Variants in NPFFR2 observed in about 807,000 individuals in gnomAD.
The protein encoded by NPFFR2 is G-protein coupled receptor 74.
A neutral mutation model predicts 13.1 loss-of-function variants in NPFFR2; 15 were observed. The ratio of observed to expected loss-of-function variants is 1.15; its 90% CI spans 0.77 to 1.76. The LOEUF is 1.76. Ranked by LOEUF, NPFFR2 falls within the 40% of genes most tolerant of loss-of-function variation. The pLI is 0.00. For missense variants in NPFFR2, 572 were observed against 503.5 expected (o/e 1.14, Z -1.30); for synonymous variants, 190 against 175.7 (o/e 1.08, Z -0.65).
chr4:72,128,596 A>G lies in NPFFR2; in HGVS notation c.5A>G (p.Asn2Ser). M[N>S]EKWDTNSSEN... is the part of the protein sequence containing the mutation. ...TCTTCTTTATTAAGGTTCATCATGA[A>G]TGAGAAATGGGACACAAACTCTTCA... The change falls in exon 2 of 4, where the codon AAT becomes AGT. Residue 2 changes from asparagine (N) to serine (S), a missense_variant. By Grantham distance (46) the Asn-to-Ser change is conservative. Transcript: ENST00000308744. The G allele has an allele frequency of 6.3e-7, 1 of 1,596,418 alleles. No homozygotes were observed. Among genetic ancestry groups the G allele is most frequent in the African/African-American group, 1.3e-5 (1 of 74,350 alleles).
intron 1 of NPFFR2, among the ~76,000 whole-genome samples, chr4:72,094,398 G>A (rs1720998443): frequency 1.3e-5 from 2 of 152,186 alleles, no homozygotes; most frequent in African/African-American, 4.8e-5. Flanking sequence ...CAGGCGGTGT[G>A]TGGGGCCATG....
intron 1 of NPFFR2, among the ~76,000 whole-genome samples, chr4:72,067,770 A>G (rs1578433622): frequency 6.6e-6 from 1 of 152,176 alleles, no homozygotes; most frequent in South Asian, 2.1e-4. Flanking sequence ...TAGGACATAG[A>G]CACTGTTCAG....
intron 1 of NPFFR2, among the ~76,000 whole-genome samples, chr4:72,084,049 C>T (rs951358630): frequency 1.3e-5 from 2 of 152,180 alleles, no homozygotes; most frequent in Non-Finnish European, 2.9e-5. Flanking sequence ...TAACCTAAGA[C>T]AGCAACATCT....
intron 1 of NPFFR2, among the ~76,000 whole-genome samples, chr4:72,088,199 T>A (rs568703865): frequency 6.6e-6 from 1 of 151,912 alleles, no homozygotes; most frequent in African/African-American, 2.4e-5. Flanking sequence ...GTACACATTT[T>A]TTTGTATGAT....
chr4:72,089,556 T>C (rs1720860412), intron 1 of NPFFR2, among the ~76,000 whole-genome samples: 1 of 152,214 alleles, frequency 6.6e-6, no homozygotes, highest in Non-Finnish European at 1.5e-5. Flanking sequence ...TGGTTTTGAT[T>C]TGCATTTCTC....
intron 1 of NPFFR2, among the ~76,000 whole-genome samples, chr4:72,091,450 A>G (rs948642803): frequency 1.1e-4 from 17 of 152,092 alleles, no homozygotes; most frequent in Non-Finnish European, 2.2e-4. Flanking sequence ...CTGTGAATCC[A>G]TCTGGTCCTG....
At chr4:72,104,527 T>G (rs1721358481) in intron 1 of NPFFR2, among the ~76,000 whole-genome samples, 1 of 152,056 alleles carries the variant, frequency 6.6e-6, no homozygotes, top group African/African-American at 2.4e-5. Context: ...TAATTTCCAC[T>G]AACATTGTTC....
At chr4:72,093,764 G>T (rs59177892) in intron 1 of NPFFR2, among the ~76,000 whole-genome samples, 1,991 of 147,574 alleles carry the variant, frequency 0.013, 49 homozygotes, top group African/African-American at 0.046. Context: ...CTTTAAGTTG[G>T]ACTTCACCTT....
chr4:72,095,039 T>C (rs1721022644), intron 1 of NPFFR2, among the ~76,000 whole-genome samples: 1 of 152,236 alleles, frequency 6.6e-6, no homozygotes, highest in Non-Finnish European at 1.5e-5. Flanking sequence ...TTATAACTAA[T>C]AAAGGTTATT....
At chr4:72,049,081 A>T (rs1038403690) in intron 1 of NPFFR2, among the ~76,000 whole-genome samples, 2 of 152,092 alleles carry the variant, frequency 1.3e-5, no homozygotes, top group Admixed American at 6.6e-5. Context: ...CTTTTAACAG[A>T]TGGTTTTACT....
At position 72,095,373 on chromosome 4, in the gene NPFFR2, G is replaced by T. The variant is rs375499843; in HGVS notation, c.-7-33212G>T. ...TGGGAGTATTAACACCACGGAAATA[G>T]ACTACACTCAGAGGCTCTTTTTGTG... On this transcript the variant is annotated intron_variant, in intron 1 of 3. Transcript: ENST00000308744. 2.6e-5 allele frequency among the ~76,000 whole-genome samples: 4 copies of T among 152,178 alleles called. No individual in the cohort carries two copies. The South Asian group carries it at 8.3e-4, about 32-fold the overall frequency.
In NPFFR2 at chr4:72,079,728, C is replaced by G. The variant is rs559468997; in HGVS notation, c.-8+47528C>G. ...ACACATCTGATAAACAACTTGTATT[C>G]AGAATGTATCAAAACATCTCAAAAC... On this transcript the variant is annotated intron_variant, in intron 1 of 3. Coordinates refer to ENST00000308744, the MANE Select transcript of NPFFR2 (RefSeq NM_004885.3). Among the ~76,000 whole-genome samples the G allele has an allele frequency of 6.4e-4, 98 of 152,214 alleles. 3 individuals are homozygous for G. The South Asian group carries it at 0.02, about 31-fold the overall frequency.
At chr4:72,146,934 A>T (rs748626721) in intron 3 of NPFFR2, 44 bp from the exon 4 acceptor site, 5 of 1,337,726 alleles carry the variant, frequency 3.7e-6, no homozygotes, top group Non-Finnish European at 5.3e-6. Context: ...ACTTGGTCAG[A>T]AGTGATGAAG....
chr4:72,045,638 G>A (rs755783142), intron 1 of NPFFR2, among the ~76,000 whole-genome samples: 9 of 152,130 alleles, frequency 5.9e-5, no homozygotes, highest in Non-Finnish European at 1.2e-4. Context: ...CCAGAAACAT[G>A]CTCAGAAAAC....
At chr4:72,085,398 A>G (rs1414956317) in intron 1 of NPFFR2, among the ~76,000 whole-genome samples, 5 of 152,044 alleles carry the variant, frequency 3.3e-5, no homozygotes, top group Admixed American at 2.0e-4. Flanking sequence ...TTTTATATGT[A>G]TATTTTGCAT....
rs948913522 is a variant in NPFFR2, at chr4:72,147,676, C to T, written c.1127C>T (p.Ser376Phe). 2 of 1,613,998 alleles carry T rather than the reference C, an allele frequency of 1.2e-6. No individual in the cohort carries two copies. Among genetic ancestry groups the T allele is most frequent in the African/African-American group, 2.7e-5 (2 of 74,924 alleles). Residue 376 changes from serine to phenylalanine, a missense_variant, in exon 4 of 4, where the codon TCT becomes TTT. Transcript: ENST00000308744. ...KAKSHVLINT[S>F]NQLVQESTFQ... ...AAAAGCCATGTGCTCATAAACACAT[C>T]TAATCAGCTTGTCCAGGAATCTACA...
chr4:72,086,116 T>C (rs184193990), intron 1 of NPFFR2, among the ~76,000 whole-genome samples: 2 of 152,212 alleles, frequency 1.3e-5, no homozygotes, highest in East Asian at 1.9e-4. Context: ...ACCAAGCACA[T>C]TGTAAGTGTA....
chr4:72,110,459 C>T (rs1721534064), intron 1 of NPFFR2, among the ~76,000 whole-genome samples: 1 of 151,914 alleles, frequency 6.6e-6, no homozygotes, highest in South Asian at 2.1e-4. Context: ...TTGCCCACTT[C>T]CCAAAGTATG....
intron 3 of NPFFR2, among the ~76,000 whole-genome samples, chr4:72,140,030 G>T (rs990839086): frequency 6.6e-6 from 1 of 152,148 alleles, no homozygotes; most frequent in Non-Finnish European, 1.5e-5. Context: ...TTGTGAATGG[G>T]AGTTCACTCA....
Sources: gnomAD v4.1 joint callset for allele counts (sites outside exome capture counted in the v4.1 genomes callset) on GRCh38, gnomAD v4.1.1 for gene constraint, MANE v1.5 for transcripts, NCBI Gene and HGNC (gene_info 2026-07-23, HGNC 2026-07-21) for gene names.